NRXN1: variants seen among roughly 807,000 people sequenced by gnomAD.
NRXN1 encodes neurexin 1.
Under a neutral mutation model 150.9 loss-of-function variants are expected in NRXN1, and 39 were observed. The ratio of observed to expected loss-of-function variants is 0.26; its 90% CI spans 0.20 to 0.34. NRXN1 has a LOEUF of 0.34. Among genes scored for constraint, NRXN1 ranks in the 10% least tolerant of loss-of-function variants. The pLI, the probability that NRXN1 is intolerant of heterozygous loss-of-function variation, is 1.00. For synonymous variants in NRXN1, 924 were observed against 757.0 expected (o/e 1.22, Z -3.62); for missense variants, 1,815 against 1,949.9 (o/e 0.93, Z 1.30).
rs1263743641 is a variant in NRXN1 at position 50,381,072 on chromosome 2, C to T, written c.3364+84370G>A. 4.6e-5 allele frequency among the ~76,000 whole-genome samples: 7 copies of T among 152,052 alleles called. No individual in the cohort carries two copies. In the South Asian group the frequency reaches 6.2e-4, roughly 13 times the overall value. On this transcript the variant is annotated intron_variant, in intron 17 of 22. Coordinates refer to ENST00000401669, the MANE Select transcript of NRXN1 (RefSeq NM_001330078.2). ...TCATAGATAAGTCTTACTCTATATTCCCAGCACCCAGCATAATATCAGGGA... is the reference window on the plus strand; with the variant it reads ...TCATAGATAAGTCTTACTCTATATTTCCAGCACCCAGCATAATATCAGGGA...
chr2:50,573,937 T>C (rs1402165204), intron 8 of NRXN1, among the ~76,000 whole-genome samples: 2 of 152,090 alleles, frequency 1.3e-5, no homozygotes, highest in African/African-American at 2.4e-5. Flanking sequence ...CCTGAGTAAC[T>C]ACAAATTTTG....
At chr2:50,501,809 A>T (rs1029671222) in intron 13 of NRXN1, among the ~76,000 whole-genome samples, 1 of 152,076 alleles carries the variant, frequency 6.6e-6, no homozygotes, top group Non-Finnish European at 1.5e-5. Context: ...TATCCTCACG[A>T]TCCTAGGTGA....
intron 8 of NRXN1, chr2:50,554,539 A>G (rs13011055): frequency 0.12 from 18,676 of 152,174 alleles, 1,291 homozygotes; most frequent in African/African-American, 0.18. Context: ...TAAATAAGAA[A>G]ATACACATAA....
intron 17 of NRXN1, among the ~76,000 whole-genome samples, chr2:50,352,869 T>C (rs2078525761): frequency 6.6e-6 from 1 of 151,516 alleles, no homozygotes; most frequent in South Asian, 2.1e-4. Context: ...GATGATAAAC[T>C]TGTGTTACAG....
chr2:50,194,932 A>G (rs1357188104), intron 18 of NRXN1, among the ~76,000 whole-genome samples: 1 of 152,214 alleles, frequency 6.6e-6, no homozygotes, highest in Non-Finnish European at 1.5e-5. Context: ...TTTAACTGAC[A>G]GAGTGAAAGG....
chr2:50,049,077 T>C (rs1012377409), intron 21 of NRXN1, among the ~76,000 whole-genome samples: 1 of 152,174 alleles, frequency 6.6e-6, no homozygotes, highest in African/African-American at 2.4e-5. Context: ...ATATGTATTA[T>C]TCTTATGAAG....
intron 22 of NRXN1, among the ~76,000 whole-genome samples, chr2:49,929,695 C>G (rs1669786169): frequency 6.6e-6 from 1 of 152,164 alleles, no homozygotes; most frequent in South Asian, 2.1e-4. Context: ...TTTCTCGAAG[C>G]TTGGCTCAAA....
At chr2:50,747,342 G>A (rs1159299455) in intron 5 of NRXN1, among the ~76,000 whole-genome samples, 1 of 152,126 alleles carries the variant, frequency 6.6e-6, no homozygotes, top group Non-Finnish European at 1.5e-5. Context: ...AGGTCAGAAA[G>A]GAGGAAGAGA....
At chr2:50,311,035 C>G (rs961616581) in intron 17 of NRXN1, among the ~76,000 whole-genome samples, 4 of 152,048 alleles carry the variant, frequency 2.6e-5, no homozygotes, top group African/African-American at 9.7e-5. Flanking sequence ...ACTATTAAAA[C>G]TTTAGATAAG....
chr2:49,989,204 T>A (rs1681489698), intron 21 of NRXN1, among the ~76,000 whole-genome samples: 1 of 152,238 alleles, frequency 6.6e-6, no homozygotes, highest in African/African-American at 2.4e-5. Flanking sequence ...CATTTCTGGT[T>A]CAGGTTGTAA....
chr2:51,024,400 T>G (rs1670100933), intron 2 of NRXN1, among the ~76,000 whole-genome samples: 1 of 151,952 alleles, frequency 6.6e-6, no homozygotes, highest in South Asian at 2.1e-4. Context: ...CTGAAAATAA[T>G]CTCAACCCGA....
chr2:50,370,421 G>C (rs529211055), intron 17 of NRXN1, among the ~76,000 whole-genome samples: 1 of 151,922 alleles, frequency 6.6e-6, no homozygotes, highest in Non-Finnish European at 1.5e-5. Context: ...CTAGCCTAAG[G>C]CCTACCACAG....
At chr2:50,120,532 C>A (rs1230983301) in intron 18 of NRXN1, among the ~76,000 whole-genome samples, 1 of 152,110 alleles carries the variant, frequency 6.6e-6, no homozygotes, top group Non-Finnish European at 1.5e-5. Flanking sequence ...AGGCAATGTG[C>A]TATGCAATGG....
chr2:49,931,137 TG>T (rs1402688652), intron 22 of NRXN1, among the ~76,000 whole-genome samples: 1 of 152,154 alleles, frequency 6.6e-6, no homozygotes, highest in African/African-American at 2.4e-5. Context: ...GAGAGACCTT[TG>T]ATTTTAAAGT....
At chr2:50,845,200 T>C (rs1673462270) in intron 5 of NRXN1, among the ~76,000 whole-genome samples, 1 of 152,148 alleles carries the variant, frequency 6.6e-6, no homozygotes. Context: ...GAGAGTTCTC[T>C]ATTTTGTATG....
intron 17 of NRXN1, among the ~76,000 whole-genome samples, chr2:50,308,734 G>A (rs866864466): frequency 3.9e-5 from 6 of 152,132 alleles, no homozygotes; most frequent in Middle Eastern, 3.2e-3. Flanking sequence ...ATTTCACTTA[G>A]TGTTACGCTT....
chr2:50,097,087 C>T (rs1451328621), intron 18 of NRXN1, among the ~76,000 whole-genome samples: 1 of 152,200 alleles, frequency 6.6e-6, no homozygotes, highest in Admixed American at 6.5e-5. Context: ...TTTTAGTGCA[C>T]TGTTTCCCCT....
At chr2:50,749,375 CT>C (rs951563772) in intron 5 of NRXN1, among the ~76,000 whole-genome samples, 1 of 151,994 alleles carries the variant, frequency 6.6e-6, no homozygotes, top group Non-Finnish European at 1.5e-5. Context: ...GAATCCCATT[CT>C]TTTTTCCCAC....
At chr2:50,339,611 A>C (rs1444356184) in intron 17 of NRXN1, among the ~76,000 whole-genome samples, 1 of 152,218 alleles carries the variant, frequency 6.6e-6, no homozygotes, top group Non-Finnish European at 1.5e-5. Flanking sequence ...TTAGTGATTA[A>C]AAGGAAGTCT....
Sources: allele counts gnomAD v4.1 joint callset (sites outside exome capture counted in the v4.1 genomes callset), GRCh38; gene constraint gnomAD v4.1.1; transcripts MANE v1.5; gene names NCBI Gene and HGNC (gene_info 2026-07-23, HGNC 2026-07-21).